The following FAM83D variants were observed in gnomAD, a reference collection of about 807,000 sequenced individuals.
FAM83D encodes protein FAM83D.
In FAM83D, 26 loss-of-function variants were observed where a neutral mutation model predicts 25.4. That is an observed-to-expected ratio of 1.02 (90% CI 0.75 to 1.42). The LOEUF (loss-of-function observed/expected upper bound fraction) is 1.42. FAM83D is among the 40% of genes most tolerant of loss of function. FAM83D has a pLI of 0.00. For missense variants in FAM83D, 740 were observed against 758.1 expected (o/e 0.98, Z 0.28); for synonymous variants, 310 against 318.5 (o/e 0.97, Z 0.28).
intron 1 of FAM83D, among the ~76,000 whole-genome samples, chr20:38,931,131 A>C (rs1350948528): frequency 6.6e-6 from 1 of 152,212 alleles, no homozygotes; most frequent in Non-Finnish European, 1.5e-5. Flanking sequence ...GAAGGATTGG[A>C]GCTTTGGTAG....
At position 38,951,419 on chromosome 20, in the gene FAM83D, T is replaced by A. The variant is rs1040060194; in HGVS notation, c.777-120T>A. On this transcript the variant is annotated intron_variant, in intron 3 of 3. Coordinates refer to ENST00000619850, the MANE Select transcript of FAM83D (RefSeq NM_030919.3). ...ATACATGCAAATGGTAGGTATGATA[T>A]CACCAAATTTGTGACCCTTATGTGG... 1.5e-5 allele frequency: 16 copies of A among 1,064,724 alleles called. No homozygotes were observed. In the African/African-American group the frequency reaches 2.4e-4, roughly 16 times the overall value. The allele number at this position is 1,064,724 out of a possible 1,614,324, so 66.0% of individuals were successfully genotyped here.
chr20:38,927,158 G>A (rs1008812687), intron 1 of FAM83D, among the ~76,000 whole-genome samples: 1 of 152,214 alleles, frequency 6.6e-6, no homozygotes, highest in Non-Finnish European at 1.5e-5. Flanking sequence ...CGGTTCCCAA[G>A]GATGCGAATT....
chr20:38,934,175 CT>C (rs2085669107), intron 1 of FAM83D, among the ~76,000 whole-genome samples: 1 of 152,078 alleles, frequency 6.6e-6, no homozygotes, highest in African/African-American at 2.4e-5. Flanking sequence ...TTTCTTTATT[CT>C]TTTCCCTTAG....
chr20:38,935,557 C>T (rs538427631), intron 1 of FAM83D, among the ~76,000 whole-genome samples: 36 of 152,344 alleles, frequency 2.4e-4, no homozygotes, highest in Admixed American at 7.2e-4. Context: ...ATCCTCCTGC[C>T]TCAGACTCCC....
intron 1 of FAM83D, among the ~76,000 whole-genome samples, chr20:38,930,235 A>G (rs2085653365): frequency 6.6e-6 from 1 of 152,218 alleles, no homozygotes; most frequent in African/African-American, 2.4e-5. Flanking sequence ...GTGTTCTGAT[A>G]GCAAAGGTAC....
rs144471796 is a variant in FAM83D, at chr20:38,941,179, C to T, written c.484-780C>T. Among the ~76,000 whole-genome samples, 12 of 152,224 alleles carry T rather than the reference C, an allele frequency of 7.9e-5. No homozygotes were observed. In the East Asian group the frequency reaches 1.4e-3, roughly 17 times the overall value. On this transcript the variant is annotated intron_variant, in intron 1 of 3. Coordinates refer to ENST00000619850, the MANE Select transcript of FAM83D (RefSeq NM_030919.3). ...CTTTGCTGTGGGCTTGCACTATGGA[C>T]GGATACCAAAGAACTGCAGAGAGAA...
intron 2 of FAM83D, among the ~76,000 whole-genome samples, chr20:38,943,193 T>G (rs945789138): frequency 6.6e-6 from 1 of 152,066 alleles, no homozygotes; most frequent in Non-Finnish European, 1.5e-5. Flanking sequence ...CCTGGCTAAT[T>G]TTTGTATTTT....
chr20:38,948,084 C>A, intron 3 of FAM83D, 84 bp downstream of exon 3: 1 of 1,500,972 alleles, frequency 6.7e-7, no homozygotes. Flanking sequence ...CTTTTCCTCT[C>A]AATGGGAGCC....
intron 3 of FAM83D, among the ~76,000 whole-genome samples, chr20:38,949,664 C>T (rs753948718): frequency 3.9e-5 from 6 of 152,152 alleles, no homozygotes; most frequent in Admixed American, 6.5e-5. Context: ...CGTACTGACT[C>T]GAAGAACCCG....
rs2085705003 is a variant in FAM83D, at chr20:38,942,061, C to T, written c.586C>T (p.Gln196Ter). The T allele has an allele frequency of 1.2e-6, 2 of 1,614,062 alleles. No homozygotes were observed. The highest frequency in any genetic ancestry group is 1.3e-5 in the African/African-American group (1 of 74,920). ...QGVAVYILLD[Q>*]ALLSQFLDMC... ...AGTTGCTGTGTATATCCTTCTGGACCAGGCTCTCCTCTCTCAATTTCTGGA... is the reference window on the plus strand; with the variant it reads ...AGTTGCTGTGTATATCCTTCTGGACTAGGCTCTCCTCTCTCAATTTCTGGA... The change falls in exon 2 of 4, where the codon CAG becomes TAG. Residue 196 changes from glutamine to a stop codon, truncating the protein, a stop_gained. Transcript: ENST00000619850. LOFTEE classifies it high-confidence loss of function.
chr20:38,931,251 G>A (rs994301592), intron 1 of FAM83D, among the ~76,000 whole-genome samples: 5 of 152,218 alleles, frequency 3.3e-5, no homozygotes, highest in Admixed American at 3.3e-4. Context: ...TCCTTTTCAG[G>A]AAGAAAACGA....
chr20:38,949,697 G>C (rs2085744779), intron 3 of FAM83D, among the ~76,000 whole-genome samples: 1 of 152,220 alleles, frequency 6.6e-6, no homozygotes, highest in Non-Finnish European at 1.5e-5. Flanking sequence ...GAAAGGTACA[G>C]TTGGTTTTCA....
intron 3 of FAM83D, among the ~76,000 whole-genome samples, chr20:38,949,250 C>T (rs766025133): frequency 6.6e-6 from 1 of 151,818 alleles, no homozygotes; most frequent in Non-Finnish European, 1.5e-5. Flanking sequence ...CAACTTCTGC[C>T]TCTCAGATTC....
At position 38,948,728 on chromosome 20, in the gene FAM83D, A is replaced by G. The variant is rs148030291; in HGVS notation, c.776+728A>G. On this transcript the variant is annotated intron_variant, in intron 3 of 3. Transcript: ENST00000619850. ...TGTAGAATTTTAAAAAGAAAACCCC[A>G]TTTTTGAAGAAACACACAACCCTGA... Among the ~76,000 whole-genome samples the G allele has an allele frequency of 5.2e-3, 799 of 152,314 alleles. 2 individuals carry two copies. Among genetic ancestry groups the G allele is most frequent in the Non-Finnish European group, 9.0e-3 (611 of 68,036 alleles).
chr20:38,928,414 C>T (rs2085645452), intron 1 of FAM83D, among the ~76,000 whole-genome samples: 1 of 152,182 alleles, frequency 6.6e-6, no homozygotes, highest in African/African-American at 2.4e-5. Context: ...AGGCTCTTAC[C>T]AGCCCTGAGG....
intron 2 of FAM83D, among the ~76,000 whole-genome samples, chr20:38,946,210 A>C (rs1474481596): frequency 2.0e-5 from 3 of 151,250 alleles, no homozygotes; most frequent in Non-Finnish European, 4.4e-5. Flanking sequence ...AAAAAAAAAA[A>C]AAAAAAAAAA....
At chr20:38,939,852 C>T (rs2085694184) in intron 1 of FAM83D, among the ~76,000 whole-genome samples, 1 of 152,106 alleles carries the variant, frequency 6.6e-6, no homozygotes, top group South Asian at 2.1e-4. Flanking sequence ...TGTGCTAAGC[C>T]CTTTCCATGC....
chr20:38,936,294 A>AGAC, intron 1 of FAM83D, among the ~76,000 whole-genome samples: 1 of 152,190 alleles, frequency 6.6e-6, no homozygotes, highest in Non-Finnish European at 1.5e-5. Flanking sequence ...GTCAGAGCCT[A>AGAC]GACCTGCCCA....
intron 1 of FAM83D, 105 bp downstream of exon 1, chr20:38,927,030 C>T: frequency 7.2e-7 from 1 of 1,379,920 alleles, no homozygotes. Context: ...TCCTCTGCGC[C>T]CTACCGGAAG....
Sources: allele counts gnomAD v4.1 joint callset (sites outside exome capture counted in the v4.1 genomes callset), GRCh38; gene constraint gnomAD v4.1.1; transcripts MANE v1.5; gene names NCBI Gene and HGNC (gene_info 2026-07-23, HGNC 2026-07-21).